EYS: variants seen among roughly 807,000 people sequenced by gnomAD.
EYS encodes the protein protein eyes shut homolog.
In EYS, 250 loss-of-function variants were observed where a neutral mutation model predicts 282.1. That is an observed-to-expected ratio of 0.89 (90% confidence interval 0.80 to 0.98). The LOEUF is 0.98. EYS is among the 50% of genes least tolerant of loss of function. EYS has a pLI of 0.00. For missense variants in EYS, 4,016 were observed against 3,709.0 expected (o/e 1.08, Z -2.15); for synonymous variants, 1,355 against 1,282.9 (o/e 1.06, Z -1.20).
At chr6:64,815,237 G>T (rs941225265) in intron 21 of EYS, 1 of 463,256 alleles carries the variant, frequency 2.2e-6, no homozygotes, top group South Asian at 1.5e-5. Flanking sequence ...ACGTGAACTT[G>T]TTAAGAAAAA....
At chr6:65,690,620 C>G (rs182357467) in intron 1 of EYS, among the ~76,000 whole-genome samples, 3 of 149,956 alleles carry the variant, frequency 2.0e-5, no homozygotes, top group Non-Finnish European at 4.4e-5. Context: ...TTTGTATTTA[C>G]AATAATCAGG....
intron 1 of EYS, among the ~76,000 whole-genome samples, chr6:65,698,423 A>T (rs948316959): frequency 9.9e-5 from 15 of 152,178 alleles, no homozygotes; most frequent in African/African-American, 3.4e-4. Flanking sequence ...ATTAAATATG[A>T]ACTACAGGTT....
chr6:64,071,273 CCTTT>C (rs1165777544), intron 32 of EYS, among the ~76,000 whole-genome samples: 1 of 151,944 alleles, frequency 6.6e-6, no homozygotes, highest in African/African-American at 2.4e-5. Flanking sequence ...GTTCTCTGAA[CCTTT>C]CTTTGTCTCT....
intron 36 of EYS, among the ~76,000 whole-genome samples, chr6:63,825,711 G>T (rs1464378060): frequency 6.6e-6 from 1 of 152,120 alleles, no homozygotes; most frequent in Non-Finnish European, 1.5e-5. Flanking sequence ...CTACATCAAG[G>T]AAACACCCCA....
chr6:64,150,257 A>G (rs1234118933), intron 31 of EYS, among the ~76,000 whole-genome samples: 2 of 152,216 alleles, frequency 1.3e-5, no homozygotes. Flanking sequence ...TAAAGGGCTG[A>G]AAAGAAATCT....
At chr6:64,877,483 AAAC>A (rs1237507785) in intron 19 of EYS, among the ~76,000 whole-genome samples, 1 of 152,222 alleles carries the variant, frequency 6.6e-6, no homozygotes, top group Non-Finnish European at 1.5e-5. Flanking sequence ...ATGATGATCT[AAAC>A]AATTATGCGA....
intron 32 of EYS, among the ~76,000 whole-genome samples, chr6:64,079,449 T>C (rs868260271): frequency 1.6e-4 from 25 of 152,178 alleles, no homozygotes; most frequent in Admixed American, 6.6e-4. Context: ...AAATCTTTTA[T>C]GTATTTTGTT....
chr6:64,707,418 C>T lies in EYS; in HGVS notation c.3444-81173G>A, dbSNP rs538431288. Among the ~76,000 whole-genome samples the T allele has an allele frequency of 4.9e-3, 748 of 152,028 alleles. 6 individuals are homozygous for T. Among genetic ancestry groups the T allele is most frequent in the African/African-American group, 0.017 (699 of 41,496 alleles). On this transcript the variant is annotated intron_variant, in intron 22 of 42. Coordinates refer to ENST00000503581, the MANE Select transcript of EYS (RefSeq NM_001142800.2). ...GGCATGGTGGCTCACGCCTGTAATCCCAGCACTTTGGGAGACCGAGGTGGG... is the reference window on the plus strand; with the variant it reads ...GGCATGGTGGCTCACGCCTGTAATCTCAGCACTTTGGGAGACCGAGGTGGG...
intron 14 of EYS, among the ~76,000 whole-genome samples, chr6:64,958,552 G>A (rs1430259335): frequency 1.3e-5 from 2 of 151,424 alleles, no homozygotes; most frequent in African/African-American, 2.4e-5. Flanking sequence ...TCGAGACCAC[G>A]GTGAAACCCC....
intron 33 of EYS, among the ~76,000 whole-genome samples, chr6:64,027,262 A>G (rs765406629): frequency 1.7e-4 from 26 of 152,348 alleles, no homozygotes; most frequent in Non-Finnish European, 3.4e-4. Flanking sequence ...GAATTATTCA[A>G]TAATGTCCAC....
At chr6:63,786,466 T>C (rs568212392) in intron 39 of EYS, among the ~76,000 whole-genome samples, 1 of 149,056 alleles carries the variant, frequency 6.7e-6, no homozygotes, top group South Asian at 2.1e-4. Flanking sequence ...TTCTCACTCA[T>C]AAGTGGGAGT....
At position 64,289,422 on chromosome 6, in the gene EYS, CAATG is replaced by C. The variant is rs1163143016; in HGVS notation, c.6191+17544_6191+17547del. On this transcript the variant is annotated intron_variant, in intron 30 of 42. Coordinates refer to ENST00000503581, the MANE Select transcript of EYS (RefSeq NM_001142800.2). ...GTTGTATCCCATATCCCAGCATACT[CAATG>C]GATACGATATTCATTCACCAATTTC... Among the ~76,000 whole-genome samples, 2 of 152,050 alleles carry C rather than the reference CAATG, an allele frequency of 1.3e-5. 1 individual carries two copies. The highest frequency in any genetic ancestry group is 2.9e-5 in the Non-Finnish European group (2 of 67,960).
At chr6:65,022,845 G>C (rs905427468) in intron 13 of EYS, among the ~76,000 whole-genome samples, 2 of 151,962 alleles carry the variant, frequency 1.3e-5, no homozygotes, top group Non-Finnish European at 1.5e-5. Flanking sequence ...TAGTACAATG[G>C]AGGGAGGGAG....
chr6:64,902,255 T>C (rs540279631), intron 17 of EYS, 35 bp from the exon 18 acceptor site: 12 of 1,434,212 alleles, frequency 8.4e-6, no homozygotes, highest in South Asian at 1.3e-5. Flanking sequence ...TCCATTAGTA[T>C]ATATGTATAA....
At chr6:65,294,443 G>A (rs932439336) in intron 12 of EYS, among the ~76,000 whole-genome samples, 1 of 151,828 alleles carries the variant, frequency 6.6e-6, no homozygotes. Flanking sequence ...AAACATAATA[G>A]TGTTTAACCC....
At chr6:64,460,109 C>T (rs1313505453) in intron 26 of EYS, among the ~76,000 whole-genome samples, 1 of 152,024 alleles carries the variant, frequency 6.6e-6, no homozygotes, top group Non-Finnish European at 1.5e-5. Flanking sequence ...CAACAGATCC[C>T]ATTTTCTAAT....
At chr6:64,448,746 G>A (rs938888777) in intron 26 of EYS, among the ~76,000 whole-genome samples, 1 of 152,116 alleles carries the variant, frequency 6.6e-6, no homozygotes, top group African/African-American at 2.4e-5. Flanking sequence ...AGGCAAACAG[G>A]GTCTGGAGTG....
At chr6:65,118,595 G>A (rs16896290) in intron 12 of EYS, among the ~76,000 whole-genome samples, 4 of 152,068 alleles carry the variant, frequency 2.6e-5, no homozygotes, top group South Asian at 2.1e-4. Context: ...GCTCTGTCTC[G>A]GAACCTGTGA....
At chr6:65,568,394 G>T (rs1229666792) in intron 2 of EYS, among the ~76,000 whole-genome samples, 7 of 149,466 alleles carry the variant, frequency 4.7e-5, no homozygotes, top group Non-Finnish European at 7.4e-5. Context: ...AGGCTTCTGT[G>T]TATATACACT....
Sources: allele counts gnomAD v4.1 joint callset (sites outside exome capture counted in the v4.1 genomes callset), GRCh38; gene constraint gnomAD v4.1.1; transcripts MANE v1.5; gene names NCBI Gene and HGNC (gene_info 2026-07-23, HGNC 2026-07-21).